The following JAK1 variants were observed in gnomAD, a reference collection of about 807,000 sequenced individuals.
The protein encoded by JAK1 is Janus kinase 1, also known as tyrosine-protein kinase JAK1.
A neutral mutation model predicts 136.6 loss-of-function variants in JAK1; 16 were observed. The ratio of observed to expected loss-of-function variants is 0.12; its 90% CI spans 0.08 to 0.18. JAK1 has a LOEUF of 0.18. Among genes scored for constraint, JAK1 ranks in the 10% least tolerant of loss-of-function variants. The probability of loss-of-function intolerance (pLI) is 1.00; values close to 1 mark genes in which losing one functional copy is unlikely to be tolerated. For missense variants in JAK1, 859 were observed against 1,450.1 expected, an observed-to-expected ratio of 0.59 and a Z score of 6.62; for synonymous variants, 492 against 519.5, an observed-to-expected ratio of 0.95 and a Z score of 0.72.
chr1:65,058,998 A>G (rs1647671709), intron 1 of JAK1, among the ~76,000 whole-genome samples: 2 of 152,178 alleles, frequency 1.3e-5, no homozygotes, highest in Admixed American at 1.3e-4. Context: ...ATAATACTTC[A>G]TATCTGCCAA....
intron 3 of JAK1, among the ~76,000 whole-genome samples, chr1:64,880,155 A>G (rs1275196018): frequency 6.6e-6 from 1 of 152,158 alleles, no homozygotes. Context: ...ACTCTCTCCA[A>G]CGCAGACACT....
rs2101159857 is a variant in JAK1, at chr1:64,873,471, G to A, written c.382C>T (p.Arg128Cys). ...TTTTTCTGCTTCTTTGGAGAATGACGCCACACTGACTGCTCATTGTCGTTG... is the reference window on the plus strand; with the variant it reads ...TTTTTCTGCTTCTTTGGAGAATGACACCACACTGACTGCTCATTGTCGTTG... ...GTNDNEQSVW[R>C]HSPKKQKNGY... is the part of the protein sequence containing the mutation. Residue 128 changes from arginine (R) to cysteine (C), a missense_variant, in exon 5 of 25, where the codon CGT becomes TGT. Transcript: ENST00000342505. 3 of 1,614,086 alleles carry A rather than the reference G, an allele frequency of 1.9e-6. No homozygotes were observed. Among genetic ancestry groups the A allele is most frequent in the Non-Finnish European group, 2.5e-6 (3 of 1,180,010 alleles).
At position 64,846,655 on chromosome 1, in the gene JAK1, C is replaced by A. The variant is rs760966244; in HGVS notation, c.1981G>T (p.Val661Leu). 2.5e-6 allele frequency: 4 copies of A among 1,613,144 alleles called. No individual in the cohort carries two copies. The highest frequency in any genetic ancestry group is 3.4e-6 in the Non-Finnish European group (4 of 1,179,306). The change falls in exon 14 of 25, where the codon GTG becomes TTG. Residue 661 changes from valine (V) to leucine (L), a missense_variant. By Grantham distance (32) the Val-to-Leu change is conservative (BLOSUM62 1). Coordinates refer to ENST00000342505, the MANE Select transcript of JAK1 (RefSeq NM_002227.4). ...VYLYGVCVRD[V>L]ENIMVEEFVE... ...TGAAAGAGAACACACTTACTCTCCACGTCGCGGACACAGACGCCATAGAGG... is the reference window on the plus strand; with the variant it reads ...TGAAAGAGAACACACTTACTCTCCAAGTCGCGGACACAGACGCCATAGAGG...
intron 2 of JAK1, among the ~76,000 whole-genome samples, chr1:64,974,906 TTTTTTG>T (rs1389689066): frequency 1.3e-5 from 2 of 148,488 alleles, no homozygotes; most frequent in African/African-American, 5.2e-5. Flanking sequence ...TTTTGTTTTG[TTTTTTG>T]TTTTTTGTTT....
At chr1:64,955,245 G>A (rs1172229120) in intron 1 of JAK1, among the ~76,000 whole-genome samples, 1 of 152,192 alleles carries the variant, frequency 6.6e-6, no homozygotes, top group African/African-American at 2.4e-5. Flanking sequence ...CATAGTGGAG[G>A]TGTGTCTGCA....
At position 64,857,741 on chromosome 1, in the gene JAK1, C is replaced by G; in HGVS notation, c.1373G>C (p.Ser458Thr). Residue 458 changes from serine to threonine, a missense_variant, in exon 10 of 25, where the codon AGC becomes ACC. Physicochemically the swap from Ser to Thr is moderately conservative, Grantham distance 58. This residue lies in a region of JAK1 where 409 missense variants were observed against 753.8 expected (regional missense o/e 0.54). Transcript: ENST00000342505. The stretch of plus-strand genomic sequence containing the variant: ...CCTCAGCACGTACATCCCCTCCTCG[C>G]TTCCTTCTTGCCGCAATTTATTGAT... ...YAINKLRQEGSEEGMYVLRWS... is the reference protein window; with the variant it reads ...YAINKLRQEGTEEGMYVLRWS... 1 of 1,614,204 alleles carries G rather than the reference C, an allele frequency of 6.2e-7. No homozygotes were observed. Among genetic ancestry groups the G allele is most frequent in the Non-Finnish European group, 8.5e-7 (1 of 1,180,046 alleles).
intron 1 of JAK1, among the ~76,000 whole-genome samples, chr1:64,921,810 G>A (rs1468496169): frequency 6.6e-6 from 1 of 152,060 alleles, no homozygotes; most frequent in African/African-American, 2.4e-5. Flanking sequence ...TTTCTAGAGT[G>A]AGATGGCTTA....
intron 1 of JAK1, among the ~76,000 whole-genome samples, chr1:65,051,170 G>C (rs1416292414): frequency 7.3e-6 from 1 of 137,392 alleles, no homozygotes; most frequent in Non-Finnish European, 1.6e-5. Flanking sequence ...CTTGAGACCT[G>C]ATAGGTATGT....
intron 3 of JAK1, among the ~76,000 whole-genome samples, chr1:64,880,027 A>C (rs1049662653): frequency 1.3e-5 from 2 of 152,230 alleles, no homozygotes; most frequent in Non-Finnish European, 2.9e-5. Context: ...AGGTAAACTT[A>C]AATGACAAAA....
At chr1:64,969,544 G>C (rs1335897482), upstream of JAK1, among the ~76,000 whole-genome samples, 1 of 152,098 alleles carries the variant, frequency 6.6e-6, no homozygotes, top group Non-Finnish European at 1.5e-5. Flanking sequence ...AAGATGAATT[G>C]GAGGGCAAGG....
intron 1 of JAK1, among the ~76,000 whole-genome samples, chr1:64,926,993 C>T (rs1645594118): frequency 6.6e-6 from 1 of 152,174 alleles, no homozygotes; most frequent in Non-Finnish European, 1.5e-5. Flanking sequence ...TCACTGTTTC[C>T]AACCTTGTCT....
upstream of JAK1, among the ~76,000 whole-genome samples, chr1:64,967,658 T>C (rs1428166313): frequency 6.6e-6 from 1 of 152,184 alleles, no homozygotes; most frequent in Non-Finnish European, 1.5e-5. Context: ...ATTCTGGGTG[T>C]GGAATAAAGT....
chr1:64,942,829 C>T (rs1214131421), intron 1 of JAK1, among the ~76,000 whole-genome samples: 2 of 152,258 alleles, frequency 1.3e-5, no homozygotes, highest in East Asian at 1.9e-4. Context: ...TTACAGGGCA[C>T]ACTCTCAGTT....
Position 65,049,193 on chromosome 1 carries a change from G to A in JAK1, c.-180-4611C>T, listed in dbSNP as rs557449298. 5.9e-5 allele frequency among the ~76,000 whole-genome samples: 9 copies of A among 152,262 alleles called. No individual in the cohort carries two copies. In the East Asian group the frequency reaches 7.7e-4, roughly 13 times the overall value. On this transcript the variant is annotated intron_variant, in intron 1 of 25. Coordinates refer to the JAK1 transcript ENST00000671954. ...TCCCAGTACTTTGGGAGGCTGAGGCGGGAATATCTCCTGGAGCCAGGTGTT... is the reference window on the plus strand; with the variant it reads ...TCCCAGTACTTTGGGAGGCTGAGGCAGGAATATCTCCTGGAGCCAGGTGTT...
chr1:64,959,196 T>C (rs1218518244), intron 1 of JAK1, among the ~76,000 whole-genome samples: 1 of 152,206 alleles, frequency 6.6e-6, no homozygotes, highest in Non-Finnish European at 1.5e-5. Context: ...GTATAAATAA[T>C]GCCCAGACCC....
chr1:65,024,660 C>CAAAAAAA (rs11349903), intron 2 of JAK1, among the ~76,000 whole-genome samples: 29 of 69,750 alleles, frequency 4.2e-4, no homozygotes, highest in Non-Finnish European at 4.8e-4. Context: ...TGGTCCAAAG[C>CAAAAAAA]AAAAAAAAAA....
At chr1:64,982,114 GCACACACACGCA>G (rs146193387) in intron 2 of JAK1, among the ~76,000 whole-genome samples, 23,461 of 150,246 alleles carry the variant, frequency 0.16, 2,371 homozygotes, top group African/African-American at 0.27. Context: ...ACACACACAC[GCACACACACGCA>G]CACACACACA....
At chr1:64,986,711 CAG>C (rs1050534118) in intron 2 of JAK1, among the ~76,000 whole-genome samples, 2 of 151,994 alleles carry the variant, frequency 1.3e-5, no homozygotes, top group African/African-American at 4.8e-5. Context: ...GCCTGGGAAA[CAG>C]AGAGAGACCG....
chr1:64,886,391 G>A, intron 1 of JAK1, 50 bp from the exon 2 acceptor site: 1 of 1,037,860 alleles, frequency 9.6e-7, no homozygotes, highest in Non-Finnish European at 1.3e-6. Flanking sequence ...AATTGCATCT[G>A]AAAATAAGAG....
Sources: gnomAD v4.1 joint callset for allele counts (sites outside exome capture counted in the v4.1 genomes callset) on GRCh38, gnomAD v4.1.1 for gene constraint, gnomAD v4.1.1 regional missense constraint, MANE v1.5 for transcripts, NCBI Gene and HGNC (gene_info 2026-07-23, HGNC 2026-07-21) for gene names.